Variants in SIL1 observed in about 807,000 individuals in gnomAD.
SIL1 encodes SIL1 nucleotide exchange factor, also known as nucleotide exchange factor SIL1.
SIL1 carries 40 observed loss-of-function variants against 49.1 expected under a neutral mutation model. The observed-to-expected ratio is 0.81, with a 90% confidence interval of 0.63 to 1.06. SIL1 has a LOEUF of 1.06. Ranked by LOEUF, SIL1 falls within the 50% of genes least tolerant of loss-of-function variation. The pLI is 0.00. For synonymous variants in SIL1, 253 were observed against 250.8 expected, an observed-to-expected ratio of 1.01 and a Z score of -0.08; for missense variants, 500 against 572.6, an observed-to-expected ratio of 0.87 and a Z score of 1.29.
At chr5:139,066,114 C>G (rs1406329943) in intron 3 of SIL1, among the ~76,000 whole-genome samples, 1 of 152,110 alleles carries the variant, frequency 6.6e-6, no homozygotes, top group African/African-American at 2.4e-5. Context: ...GTACAGCATC[C>G]CCCAGGACAG....
intron 3 of SIL1, among the ~76,000 whole-genome samples, chr5:139,120,349 A>G (rs943370839): frequency 7.9e-5 from 12 of 152,186 alleles, no homozygotes; most frequent in Non-Finnish European, 8.8e-5. Flanking sequence ...ATGACATAGG[A>G]CAAGTTGCTT....
At chr5:139,008,744 T>G (rs1260081838) in intron 7 of SIL1, among the ~76,000 whole-genome samples, 1 of 151,578 alleles carries the variant, frequency 6.6e-6, no homozygotes, top group Non-Finnish European at 1.5e-5. Context: ...AGGAGCAGGT[T>G]GTTCAGCTTC....
At chr5:139,003,022 G>C (rs892515351) in intron 7 of SIL1, among the ~76,000 whole-genome samples, 4 of 152,162 alleles carry the variant, frequency 2.6e-5, no homozygotes, top group Admixed American at 2.6e-4. Flanking sequence ...CCTGGAGCTA[G>C]AGGTGGAAAC....
At chr5:139,013,075 G>A (rs892478789) in intron 7 of SIL1, among the ~76,000 whole-genome samples, 4 of 151,998 alleles carry the variant, frequency 2.6e-5, no homozygotes, top group African/African-American at 9.7e-5. Flanking sequence ...CTTATTTTGT[G>A]AAAAAGCCAG....
At chr5:139,142,829 C>T (rs896774072) in intron 1 of SIL1, among the ~76,000 whole-genome samples, 12 of 151,882 alleles carry the variant, frequency 7.9e-5, no homozygotes, top group Non-Finnish European at 1.0e-4. Flanking sequence ...AGTGCAGTGG[C>T]GCGATCTCGG....
rs147359726 is a variant in SIL1 at position 139,129,134 on chromosome 5, G to A, written c.-10-1281C>T. On this transcript the variant is annotated intron_variant, in intron 1 of 9. Transcript: ENST00000394817. The stretch of plus-strand genomic sequence containing the variant: ...TGCACTACAACCTGGGCAACAGAGT[G>A]AGTACCCATCTAAGAAAGTAAAAGA... 2.0e-3 allele frequency among the ~76,000 whole-genome samples: 311 copies of A among 152,298 alleles called. 3 individuals are homozygous for A. The highest frequency in any genetic ancestry group is 5.2e-3 in the Admixed American group (80 of 15,300).
chr5:139,055,708 C>T (rs558611028), intron 3 of SIL1, among the ~76,000 whole-genome samples: 9 of 148,584 alleles, frequency 6.1e-5, no homozygotes, highest in African/African-American at 1.5e-4. Flanking sequence ...CCACGGTCTC[C>T]CTCTGATGCC....
intron 1 of SIL1, among the ~76,000 whole-genome samples, chr5:139,170,822 TG>T (rs1267320383): frequency 8.4e-6 from 1 of 118,706 alleles, no homozygotes; most frequent in African/African-American, 3.3e-5. Context: ...GGGAGGGAGG[TG>T]GGGGGGTCAG....
intron 3 of SIL1, among the ~76,000 whole-genome samples, chr5:139,081,549 T>C (rs999088713): frequency 6.6e-6 from 1 of 152,184 alleles, no homozygotes; most frequent in Non-Finnish European, 1.5e-5. Flanking sequence ...ACCACTGTCA[T>C]GAATGGAGCC....
At chr5:139,080,685 T>C (rs943285998) in intron 3 of SIL1, among the ~76,000 whole-genome samples, 2 of 152,230 alleles carry the variant, frequency 1.3e-5, no homozygotes, top group African/African-American at 4.8e-5. Context: ...ATCTCTATGA[T>C]AAAAATGCTT....
Position 139,001,199 on chromosome 5 carries a change from T to C in SIL1, c.767+19972A>G, listed in dbSNP as rs527650871. ...AAAATAGAAACTCTAATACAAAACA[T>C]TGACAAGGATATGGAGAAATAGGAA... On this transcript the variant is annotated intron_variant, in intron 7 of 9. Coordinates refer to ENST00000394817, the MANE Select transcript of SIL1 (RefSeq NM_022464.5). 1.4e-4 allele frequency among the ~76,000 whole-genome samples: 21 copies of C among 152,224 alleles called. No homozygotes were observed. The South Asian group carries it at 4.1e-3, about 30-fold the overall frequency.
intron 1 of SIL1, among the ~76,000 whole-genome samples, chr5:139,172,930 T>G (rs918592386): frequency 4.6e-5 from 7 of 152,056 alleles, no homozygotes; most frequent in Admixed American, 1.3e-4. Flanking sequence ...CAGAACCCGC[T>G]GATGCCCCCA....
chr5:139,127,965 G>A (rs937533613), intron 1 of SIL1, 112 bp from the exon 2 acceptor site: 3 of 724,254 alleles, frequency 4.1e-6, no homozygotes, highest in Non-Finnish European at 5.0e-6. Context: ...TTCCTGCATA[G>A]AGGTATAACG....
intron 7 of SIL1, among the ~76,000 whole-genome samples, chr5:138,997,777 T>C (rs1428692662): frequency 6.6e-6 from 1 of 152,252 alleles, no homozygotes; most frequent in African/African-American, 2.4e-5. Flanking sequence ...CAGACTGGTC[T>C]TGAACTCCTG....
intron 1 of SIL1, among the ~76,000 whole-genome samples, chr5:139,129,101 C>T (rs989028045): frequency 1.3e-5 from 2 of 152,118 alleles, no homozygotes; most frequent in African/African-American, 4.8e-5. Flanking sequence ...GAGCTGAGAT[C>T]GCACCACTGC....
intron 7 of SIL1, among the ~76,000 whole-genome samples, chr5:138,952,586 G>C (rs887666082): frequency 4.6e-5 from 7 of 152,272 alleles, no homozygotes; most frequent in Non-Finnish European, 8.8e-5. Flanking sequence ...TCCCTGGACA[G>C]TAGGGAATGA....
chr5:139,174,889 C>T (rs1225710138), intron 1 of SIL1, among the ~76,000 whole-genome samples: 1 of 121,840 alleles, frequency 8.2e-6, no homozygotes, highest in East Asian at 2.7e-4. Context: ...AGTGAAGCGA[C>T]ATCATGTCAC....
At chr5:139,001,577 A>G (rs1252168452) in intron 7 of SIL1, among the ~76,000 whole-genome samples, 1 of 152,232 alleles carries the variant, frequency 6.6e-6, no homozygotes, top group Non-Finnish European at 1.5e-5. Context: ...TAGGGGGGAT[A>G]CAATGAAGAC....
intron 3 of SIL1, among the ~76,000 whole-genome samples, chr5:139,081,571 T>C (rs1770079913): frequency 1.3e-5 from 2 of 152,180 alleles, no homozygotes; most frequent in South Asian, 2.1e-4. Flanking sequence ...CCGTAGACTA[T>C]GTGAATGGCT....
Sources: allele counts gnomAD v4.1 joint callset (sites outside exome capture counted in the v4.1 genomes callset), GRCh38; gene constraint gnomAD v4.1.1; transcripts MANE v1.5; gene names NCBI Gene and HGNC (gene_info 2026-07-23, HGNC 2026-07-21).